The following BMPR1B variants were observed in gnomAD, a reference collection of about 807,000 sequenced individuals.
BMPR1B encodes bone morphogenetic protein receptor type 1B.
In BMPR1B, 12 loss-of-function variants were observed where a neutral mutation model predicts 59.1. That is an observed-to-expected ratio of 0.20 (90% CI 0.13 to 0.33). The LOEUF (loss-of-function observed/expected upper bound fraction) is 0.33. Ranked by LOEUF, BMPR1B falls within the 10% of genes least tolerant of loss-of-function variation. The pLI is 1.00. For synonymous variants in BMPR1B, 237 were observed against 207.3 expected (o/e 1.14, Z -1.23); for missense variants, 550 against 610.9 (o/e 0.90, Z 1.05).
chr4:94,770,186 G>GTTTTTTTTTTTT (rs56902521), intron 1 of BMPR1B, among the ~76,000 whole-genome samples: 1 of 54,138 alleles, frequency 1.8e-5, no homozygotes, highest in Non-Finnish European at 3.6e-5. Flanking sequence ...TTCTGTGTTT[G>GTTTTTTTTTTTT]TTTTTTTTTT....
At chr4:94,771,388 A>G (rs1722181296) in intron 1 of BMPR1B, among the ~76,000 whole-genome samples, 1 of 152,176 alleles carries the variant, frequency 6.6e-6, no homozygotes. Flanking sequence ...AACAAAGATG[A>G]CTGACAATCA....
chr4:95,120,521 C>T (rs375556661), intron 6 of BMPR1B, among the ~76,000 whole-genome samples: 18 of 152,202 alleles, frequency 1.2e-4, no homozygotes, highest in African/African-American at 4.3e-4. Context: ...CCTAAAGACT[C>T]CATCAAAAGA....
chr4:95,060,639 T>G (rs1286705339), intron 3 of BMPR1B, among the ~76,000 whole-genome samples: 2 of 152,194 alleles, frequency 1.3e-5, no homozygotes, highest in Admixed American at 1.3e-4. Flanking sequence ...GAGATACCTA[T>G]GAAGCGCCTG....
chr4:95,109,011 A>G (rs1324626392), intron 4 of BMPR1B, among the ~76,000 whole-genome samples: 4 of 151,504 alleles, frequency 2.6e-5, no homozygotes, highest in Middle Eastern at 3.2e-3. Context: ...TTGTTTATAT[A>G]TTTTTTCTCT....
intron 6 of BMPR1B, among the ~76,000 whole-genome samples, chr4:95,121,083 C>T (rs1222142056): frequency 1.3e-5 from 2 of 152,214 alleles, no homozygotes; most frequent in African/African-American, 4.8e-5. Context: ...GCTGGGATTA[C>T]AGGCGTGAGC....
At position 95,125,076 on chromosome 4, in the gene BMPR1B, T is replaced by C; in HGVS notation, c.540T>C (p.Ile180=). 6.2e-7 allele frequency: 1 copy of C among 1,613,822 alleles called. No individual in the cohort carries two copies. The highest frequency in any genetic ancestry group is 8.5e-7 in the Non-Finnish European group (1 of 1,179,804). ...IPPGESLRDL[I]EQSQSSGSGS... is the part of the protein sequence containing the mutation. ...CTGGAGAATCCCTGAGAGACTTAAT[T>C]GAGCAGTCTCAGAGCTCAGGAAGTG... is the stretch of plus-strand genomic sequence containing the variant. Residue 180 remains isoleucine, a synonymous_variant, in exon 8 of 13, where the codon ATT becomes ATC. Coordinates refer to ENST00000515059, the MANE Select transcript of BMPR1B (RefSeq NM_001203.3).
chr4:94,831,237 A>ACAACAAC (rs200801784), intron 1 of BMPR1B, among the ~76,000 whole-genome samples: 1 of 146,838 alleles, frequency 6.8e-6, no homozygotes, highest in Non-Finnish European at 1.6e-5. Context: ...AAAAAGTAAA[A>ACAACAAC]AAAAAAAAAA....
chr4:94,905,914 C>CTT (rs34853734), intron 2 of BMPR1B, among the ~76,000 whole-genome samples: 3,418 of 137,814 alleles, frequency 0.025, 128 homozygotes, highest in African/African-American at 0.085. Flanking sequence ...TTTGTTTATT[C>CTT]TTTTTTTTTT....
Position 95,125,476 on chromosome 4 carries a change from C to T in BMPR1B, c.585+355C>T, listed in dbSNP as rs1261745787. On this transcript the variant is annotated intron_variant, in intron 8 of 12. Coordinates refer to ENST00000515059, the MANE Select transcript of BMPR1B (RefSeq NM_001203.3). ...CTAAAGTATTACAACCAACTGGCTTCTCAGTATTTCTACAAAGAAAGAGGG... is the reference window on the plus strand; with the variant it reads ...CTAAAGTATTACAACCAACTGGCTTTTCAGTATTTCTACAAAGAAAGAGGG... Among the ~76,000 whole-genome samples the T allele has an allele frequency of 2.0e-5, 3 of 152,266 alleles. No individual in the cohort carries two copies. The South Asian group carries it at 6.2e-4, about 32-fold the overall frequency.
chr4:94,898,249 G>A (rs1385428003), intron 2 of BMPR1B, among the ~76,000 whole-genome samples: 1 of 151,988 alleles, frequency 6.6e-6, no homozygotes, highest in Non-Finnish European at 1.5e-5. Context: ...ACCAAGTGCA[G>A]TCCTGACAAG....
chr4:94,763,437 A>T (rs1010166847), intron 1 of BMPR1B, among the ~76,000 whole-genome samples: 1 of 152,190 alleles, frequency 6.6e-6, no homozygotes, highest in Admixed American at 6.5e-5. Flanking sequence ...AGTAGTTTTG[A>T]TTCAGCCAAT....
At chr4:95,053,763 G>T (rs1235977662) in intron 3 of BMPR1B, among the ~76,000 whole-genome samples, 2 of 151,916 alleles carry the variant, frequency 1.3e-5, no homozygotes, top group African/African-American at 4.8e-5. Context: ...TTTTGTTGAG[G>T]AATTACTCTC....
At chr4:94,981,377 ATCT>A (rs1426303458) in intron 2 of BMPR1B, among the ~76,000 whole-genome samples, 4 of 152,116 alleles carry the variant, frequency 2.6e-5, no homozygotes, top group African/African-American at 9.7e-5. Flanking sequence ...CAGCAAATTT[ATCT>A]TCTATTGAAT....
intron 1 of BMPR1B, among the ~76,000 whole-genome samples, chr4:94,840,813 C>T (rs1156641309): frequency 0.018 from 2,346 of 130,372 alleles, 33 homozygotes; most frequent in South Asian, 0.021. Context: ...TGAGGAACTG[C>T]GTTCCTTTGG....
intron 4 of BMPR1B, among the ~76,000 whole-genome samples, chr4:95,109,868 A>G (rs1376092290): frequency 3.2e-5 from 1 of 31,322 alleles, no homozygotes; most frequent in South Asian, 1.4e-3. Flanking sequence ...CCCTCCCCCC[A>G]CCCCACAACA....
At chr4:95,034,203 TAC>T (rs1418180823) in intron 3 of BMPR1B, among the ~76,000 whole-genome samples, 1 of 152,210 alleles carries the variant, frequency 6.6e-6, no homozygotes, top group East Asian at 1.9e-4. Context: ...TTAGCATATA[TAC>T]ACACTTAGTT....
At chr4:95,032,307 G>A (rs752237326) in intron 3 of BMPR1B, among the ~76,000 whole-genome samples, 25 of 151,978 alleles carry the variant, frequency 1.6e-4, no homozygotes, top group Non-Finnish European at 3.2e-4. Context: ...GCAAGTGTAT[G>A]TGCAAGCAAT....
At chr4:95,137,909 T>A (rs1415099080) in intron 10 of BMPR1B, among the ~76,000 whole-genome samples, 1 of 152,198 alleles carries the variant, frequency 6.6e-6, no homozygotes, top group Non-Finnish European at 1.5e-5. Flanking sequence ...CATTTACATT[T>A]AAGGTTAATA....
chr4:95,092,803 T>C (rs1028280813), intron 3 of BMPR1B, among the ~76,000 whole-genome samples: 2 of 151,910 alleles, frequency 1.3e-5, no homozygotes, highest in Admixed American at 6.6e-5. Flanking sequence ...TTTACATATA[T>C]GCATCTATAA....
Sources: allele counts gnomAD v4.1 joint callset (sites outside exome capture counted in the v4.1 genomes callset), GRCh38; gene constraint gnomAD v4.1.1; transcripts MANE v1.5; gene names NCBI Gene and HGNC (gene_info 2026-07-23, HGNC 2026-07-21).